The following EHBP1 variants were observed in gnomAD, a reference collection of about 807,000 sequenced individuals.
EHBP1 encodes EH domain binding protein 1.
EHBP1 carries 55 observed loss-of-function variants against 144.0 expected under a neutral mutation model. The ratio of observed to expected loss-of-function variants is 0.38; its 90% CI spans 0.31 to 0.48. The LOEUF (loss-of-function observed/expected upper bound fraction) is 0.48. Among genes scored for constraint, EHBP1 ranks in the 20% least tolerant of loss-of-function variants. EHBP1 has a pLI of 0.98. For synonymous variants in EHBP1, 469 were observed against 472.7 expected, an observed-to-expected ratio of 0.99 and a Z score of 0.10; for missense variants, 1,200 against 1,364.2, an observed-to-expected ratio of 0.88 and a Z score of 1.90.
rs2037115202 is a variant in EHBP1 at position 62,728,946 on chromosome 2, T to C, written c.105-18449T>C. On this transcript the variant is annotated intron_variant, in intron 2 of 22. Coordinates refer to ENST00000431489, the MANE Select transcript of EHBP1 (RefSeq NM_001142616.3). ...TTTGAGTTAATTTTTGTGTATGGTGTAAGGAAGGTGTCTACTTTTATTCTT... is the reference window on the plus strand; with the variant it reads ...TTTGAGTTAATTTTTGTGTATGGTGCAAGGAAGGTGTCTACTTTTATTCTT... 2.0e-5 allele frequency among the ~76,000 whole-genome samples: 3 copies of C among 152,080 alleles called. 1 individual carries two copies. In the South Asian group the frequency reaches 6.2e-4, roughly 32 times the overall value.
At chr2:62,726,151 C>G (rs1481401458) in intron 2 of EHBP1, among the ~76,000 whole-genome samples, 1 of 152,150 alleles carries the variant, frequency 6.6e-6, no homozygotes, top group Non-Finnish European at 1.5e-5. Flanking sequence ...TGGCTGTGCC[C>G]TATTACAGAT....
rs1157397512 is a variant in EHBP1, at chr2:62,957,641, C to CTTTTTTTTTTTTTTTTTTTT, written c.2460+1984_2460+2003dup. ...TAAAATTAATATTTGAAAATAAATG[C>CTTTTTTTTTTTTTTTTTTTT]TTTTTTTTTTTTTTTTTTTTTTGAG... On this transcript the variant is annotated intron_variant, in intron 14 of 22. Transcript: ENST00000431489. Among the ~76,000 whole-genome samples the CTTTTTTTTTTTTTTTTTTTT allele has an allele frequency of 9.2e-5, 8 of 87,174 alleles. 4 individuals carry two copies. The highest frequency in any genetic ancestry group is 4.1e-4 in the African/African-American group (8 of 19,488). 57.2% of individuals were successfully genotyped at this position (87,174 alleles called of 152,430 possible). A position where few individuals can be genotyped will look rare whatever the true frequency, so the allele number is the denominator to read the frequency against.
intron 7 of EHBP1, among the ~76,000 whole-genome samples, chr2:62,836,194 G>T (rs1049349343): frequency 2.6e-5 from 4 of 152,038 alleles, no homozygotes; most frequent in Non-Finnish European, 5.9e-5. Context: ...CCTGACCCCC[G>T]AGCAGCCTAA....
intron 2 of EHBP1, among the ~76,000 whole-genome samples, chr2:62,713,600 G>A (rs2151860522): frequency 6.6e-6 from 1 of 152,268 alleles, no homozygotes; most frequent in East Asian, 1.9e-4. Flanking sequence ...TTAGATGACT[G>A]CAAAAGGAAG....
At chr2:62,952,739 T>A (rs1175817319) in intron 13 of EHBP1, among the ~76,000 whole-genome samples, 1 of 152,228 alleles carries the variant, frequency 6.6e-6, no homozygotes, top group African/African-American at 2.4e-5. Context: ...CTTCAAAGTC[T>A]GTGCTTCTCC....
chr2:62,690,829 G>T (rs112813974), intron 1 of EHBP1, among the ~76,000 whole-genome samples: 118 of 152,268 alleles, frequency 7.7e-4, no homozygotes, highest in Non-Finnish European at 1.4e-3. Flanking sequence ...GAAGGATTTT[G>T]CCCTCTCCCC....
intron 3 of EHBP1, among the ~76,000 whole-genome samples, chr2:62,757,426 CTTTTTTTTTTTTTTT>C (rs555494268): frequency 8.8e-6 from 1 of 113,036 alleles, no homozygotes; most frequent in Non-Finnish European, 1.8e-5. Flanking sequence ...TTTTTTTTTT[CTTTTTTTTTTTTTTT>C]TTTTGAGGCA....
At chr2:62,847,560 C>T (rs1417817549) in intron 7 of EHBP1, among the ~76,000 whole-genome samples, 1 of 152,136 alleles carries the variant, frequency 6.6e-6, no homozygotes. Context: ...AAAAGCTAGG[C>T]ATAGTGGCAC....
Position 63,046,361 on chromosome 2 carries a change from TCCC to T in EHBP1, c.*864_*866del, listed in dbSNP as rs926989714. 3 of 152,622 alleles carry T rather than the reference TCCC, an allele frequency of 2.0e-5. No homozygotes were observed. Among genetic ancestry groups the T allele is most frequent in the African/African-American group, 7.2e-5 (3 of 41,432 alleles). 9.5% of individuals were successfully genotyped at this position (152,622 alleles called of 1,614,324 possible). On this transcript the variant is annotated 3_prime_UTR_variant, in exon 23 of 23. Coordinates refer to ENST00000431489, the MANE Select transcript of EHBP1 (RefSeq NM_001142616.3). ...AGTCTGTCTTGCCACTACAAGTAAA[TCCC>T]CCATTTAATATTTTCTTCTTTAGCA...
At chr2:62,885,420 G>T (rs2051841976) in intron 10 of EHBP1, among the ~76,000 whole-genome samples, 1 of 151,724 alleles carries the variant, frequency 6.6e-6, no homozygotes, top group African/African-American at 2.4e-5. Context: ...TAAGAAAAAA[G>T]ATCAATGTTT....
At chr2:63,011,302 C>T (rs2060258208) in intron 19 of EHBP1, among the ~76,000 whole-genome samples, 1 of 151,786 alleles carries the variant, frequency 6.6e-6, no homozygotes. Flanking sequence ...GCCTTTAAGT[C>T]ATAGGAACCT....
intron 3 of EHBP1, among the ~76,000 whole-genome samples, chr2:62,756,645 T>G (rs992546953): frequency 6.6e-6 from 1 of 151,912 alleles, no homozygotes; most frequent in African/African-American, 2.4e-5. Context: ...GGCACATGCT[T>G]GTAATCCCAG....
chr2:62,852,753 A>G (rs1301415942), intron 7 of EHBP1, among the ~76,000 whole-genome samples: 1 of 152,196 alleles, frequency 6.6e-6, no homozygotes, highest in Non-Finnish European at 1.5e-5. Flanking sequence ...CCTACACTCC[A>G]TTATATTTTT....
chr2:62,813,763 G>A (rs1002878212), intron 5 of EHBP1, among the ~76,000 whole-genome samples: 4 of 152,168 alleles, frequency 2.6e-5, no homozygotes, highest in Non-Finnish European at 5.9e-5. Flanking sequence ...TCCTTGTTGG[G>A]TTTTAGACTC....
intron 19 of EHBP1, among the ~76,000 whole-genome samples, chr2:63,035,312 T>G (rs903328520): frequency 2.6e-5 from 4 of 152,130 alleles, no homozygotes; most frequent in African/African-American, 9.6e-5. Flanking sequence ...AAATGCTCTG[T>G]GAAGCAATGA....
intron 7 of EHBP1, among the ~76,000 whole-genome samples, chr2:62,849,436 T>G (rs187690972): frequency 6.6e-6 from 1 of 152,258 alleles, no homozygotes; most frequent in Admixed American, 6.5e-5. Flanking sequence ...GCCATCTAAC[T>G]ACATTGAACT....
At chr2:62,889,062 TTTTTTTTTTTTTTTTTTTTG>T in intron 10 of EHBP1, among the ~76,000 whole-genome samples, 1 of 118,052 alleles carries the variant, frequency 8.5e-6, no homozygotes, top group African/African-American at 3.4e-5. Context: ...TTTTTTTTTT[TTTTTTTTTTTTTTTTTTTTG>T]AGGCAGAGTC....
chr2:62,957,909 A>G (rs1410633943), intron 14 of EHBP1, among the ~76,000 whole-genome samples: 1 of 151,998 alleles, frequency 6.6e-6, no homozygotes, highest in Non-Finnish European at 1.5e-5. Flanking sequence ...GCCTCCCAAA[A>G]TGTGAAAATA....
At chr2:62,981,396 T>A (rs752164430) in intron 15 of EHBP1, among the ~76,000 whole-genome samples, 2 of 152,234 alleles carry the variant, frequency 1.3e-5, no homozygotes, top group Admixed American at 6.5e-5. Flanking sequence ...TAATGCCACC[T>A]TCCTGTGGCA....
Sources: allele counts gnomAD v4.1 joint callset (sites outside exome capture counted in the v4.1 genomes callset), GRCh38; gene constraint gnomAD v4.1.1; transcripts MANE v1.5; gene names NCBI Gene and HGNC (gene_info 2026-07-23, HGNC 2026-07-21).